The following CNBD1 variants were observed in gnomAD, a reference collection of about 807,000 sequenced individuals.
CNBD1 encodes cyclic nucleotide-binding domain-containing protein 1.
CNBD1 carries 71 observed loss-of-function variants against 54.4 expected under a neutral mutation model. The ratio of observed to expected loss-of-function variants is 1.30; its 90% confidence interval spans 1.08 to 1.59. The LOEUF is 1.59. Ranked by LOEUF, CNBD1 falls within the 40% of genes most tolerant of loss-of-function variation. CNBD1 has a pLI of 0.00. For missense variants in CNBD1, 659 were observed against 518.0 expected (o/e 1.27, Z -2.64); for synonymous variants, 182 against 170.7 (o/e 1.07, Z -0.51).
At chr8:87,106,939 C>T (rs539321672) in intron 4 of CNBD1, among the ~76,000 whole-genome samples, 89 of 152,138 alleles carry the variant, frequency 5.8e-4, no homozygotes, top group African/African-American at 2.1e-3. Context: ...AAGCAGTTCT[C>T]TGCCTCAACC....
intron 8 of CNBD1, among the ~76,000 whole-genome samples, chr8:87,300,324 A>G (rs1808963215): frequency 6.6e-6 from 1 of 152,170 alleles, no homozygotes; most frequent in African/African-American, 2.4e-5. Flanking sequence ...ACAATGAATT[A>G]TATCTCGATC....
In CNBD1 at chr8:86,922,586, A is replaced by C. The variant is rs762709116; in HGVS notation, c.273-17010A>C. ...GTAGCCAAGTGATGACAATTTGTAC[A>C]AATTGGCTACAGGCATAAGATTTGC... On this transcript the variant is annotated intron_variant, in intron 3 of 10. Coordinates refer to ENST00000518476, the MANE Select transcript of CNBD1 (RefSeq NM_173538.3). Among the ~76,000 whole-genome samples, 101 of 152,274 alleles carry C rather than the reference A, an allele frequency of 6.6e-4. 1 individual carries two copies. Among genetic ancestry groups the C allele is most frequent in the Middle Eastern group, 3.4e-3 (1 of 294 alleles).
At chr8:86,982,769 A>T (rs1808515973) in intron 4 of CNBD1, among the ~76,000 whole-genome samples, 1 of 152,118 alleles carries the variant, frequency 6.6e-6, no homozygotes, top group South Asian at 2.1e-4. Context: ...GCCTTTTCTA[A>T]GTCCCCTCTG....
intron 8 of CNBD1, among the ~76,000 whole-genome samples, chr8:87,335,479 G>C (rs898100391): frequency 1.3e-5 from 2 of 151,660 alleles, no homozygotes; most frequent in Admixed American, 6.6e-5. Flanking sequence ...TGTATTTTTT[G>C]ATCTTTGTTG....
At chr8:86,877,416 C>T (rs1749007261) in intron 1 of CNBD1, among the ~76,000 whole-genome samples, 1 of 152,046 alleles carries the variant, frequency 6.6e-6, no homozygotes, top group South Asian at 2.1e-4. Context: ...ATTTGATATC[C>T]AAATAATATC....
intron 8 of CNBD1, among the ~76,000 whole-genome samples, chr8:87,338,712 T>C (rs1207854954): frequency 6.6e-6 from 1 of 152,096 alleles, no homozygotes; most frequent in African/African-American, 2.4e-5. Context: ...GCAGCTATCT[T>C]GTTTGGTGTT....
chr8:87,005,995 A>G (rs1772075171), intron 4 of CNBD1, among the ~76,000 whole-genome samples: 1 of 152,176 alleles, frequency 6.6e-6, no homozygotes, highest in African/African-American at 2.4e-5. Context: ...TATGGTTGCA[A>G]GTTTTCTAGA....
At chr8:87,276,329 A>T (rs570847102) in intron 6 of CNBD1, among the ~76,000 whole-genome samples, 68 of 151,832 alleles carry the variant, frequency 4.5e-4, no homozygotes, top group Non-Finnish European at 8.0e-4. Flanking sequence ...TCAAAATGAG[A>T]TTCAGGCTCT....
At chr8:87,106,321 C>A (rs1811536036) in intron 4 of CNBD1, among the ~76,000 whole-genome samples, 1 of 152,020 alleles carries the variant, frequency 6.6e-6, no homozygotes. Context: ...TCAAGCAATT[C>A]TCATGTCTCA....
At chr8:87,037,646 C>T (rs1169123351) in intron 4 of CNBD1, among the ~76,000 whole-genome samples, 1 of 152,028 alleles carries the variant, frequency 6.6e-6, no homozygotes, top group Non-Finnish European at 1.5e-5. Context: ...TTTTTGTTAT[C>T]AAAGTATTTA....
intron 2 of CNBD1, among the ~76,000 whole-genome samples, chr8:87,414,898 G>A (rs1337527887): frequency 2.0e-5 from 3 of 152,048 alleles, no homozygotes; most frequent in Admixed American, 1.3e-4. Flanking sequence ...GAGCTTCACA[G>A]GCAGGATTTC....
At chr8:87,022,547 G>A (rs1809512075) in intron 4 of CNBD1, among the ~76,000 whole-genome samples, 1 of 152,148 alleles carries the variant, frequency 6.6e-6, no homozygotes, top group Non-Finnish European at 1.5e-5. Flanking sequence ...AATACTGGAA[G>A]CTTTATGCTT....
intron 4 of CNBD1, among the ~76,000 whole-genome samples, chr8:87,060,014 C>A (rs568266660): frequency 6.6e-6 from 1 of 152,356 alleles, no homozygotes; most frequent in Admixed American, 6.5e-5. Context: ...AGCATCTGGA[C>A]CCTCTGCCCT....
chr8:87,398,961 G>C (rs1002146439), intron 2 of CNBD1, among the ~76,000 whole-genome samples: 2 of 151,974 alleles, frequency 1.3e-5, no homozygotes, highest in Admixed American at 6.6e-5. Flanking sequence ...CTACTTGTCA[G>C]AGAGATTGTT....
chr8:87,295,750 G>A (rs1563541162), intron 8 of CNBD1, among the ~76,000 whole-genome samples: 1 of 151,878 alleles, frequency 6.6e-6, no homozygotes, highest in Non-Finnish European at 1.5e-5. Context: ...AAGGAAAGTT[G>A]GATTTCTCTT....
At chr8:87,191,183 CAA>C (rs948953808) in intron 4 of CNBD1, among the ~76,000 whole-genome samples, 1 of 151,820 alleles carries the variant, frequency 6.6e-6, no homozygotes, top group African/African-American at 2.4e-5. Flanking sequence ...GCAGAAGGCC[CAA>C]GAGTCCCCAG....
chr8:87,108,895 C>G (rs1042699468), intron 4 of CNBD1, among the ~76,000 whole-genome samples: 1 of 152,100 alleles, frequency 6.6e-6, no homozygotes, highest in Non-Finnish European at 1.5e-5. Flanking sequence ...AAACAACTCT[C>G]ATGGCCTCTA....
At chr8:87,232,257 G>A (rs548244917) in intron 5 of CNBD1, among the ~76,000 whole-genome samples, 1 of 152,014 alleles carries the variant, frequency 6.6e-6, no homozygotes, top group Admixed American at 6.6e-5. Flanking sequence ...GTCCTTTTTG[G>A]ACATCTACTT....
intron 4 of CNBD1, among the ~76,000 whole-genome samples, chr8:87,001,120 T>A (rs1269804236): frequency 6.6e-6 from 1 of 152,150 alleles, no homozygotes; most frequent in Non-Finnish European, 1.5e-5. Flanking sequence ...TCTTCATTCT[T>A]TTTTTCTTAA....
Sources: allele counts gnomAD v4.1 joint callset (sites outside exome capture counted in the v4.1 genomes callset), GRCh38; gene constraint gnomAD v4.1.1; transcripts MANE v1.5; gene names NCBI Gene and HGNC (gene_info 2026-07-23, HGNC 2026-07-21).